The following FAM25A variants were observed in gnomAD, a reference collection of about 807,000 sequenced individuals.
FAM25A encodes the protein protein FAM25A.
A neutral mutation model predicts 6.6 loss-of-function variants in FAM25A; 5 were observed. The observed-to-expected ratio is 0.75, with a 90% CI of 0.39 to 1.59. The LOEUF is 1.59. Among genes scored for constraint, FAM25A ranks in the 40% most tolerant of loss-of-function variants. The pLI, the probability that FAM25A is intolerant of heterozygous loss-of-function variation, is 0.02. For synonymous variants in FAM25A, 36 were observed against 41.3 expected, an observed-to-expected ratio of 0.87 and a Z score of 0.49; for missense variants, 93 against 109.7, an observed-to-expected ratio of 0.85 and a Z score of 0.68.
intron 1 of FAM25A, among the ~76,000 whole-genome samples, chr10:87,022,009 G>C (rs2133756390): frequency 6.6e-6 from 1 of 152,348 alleles, no homozygotes; most frequent in East Asian, 1.9e-4. Context: ...AGGGGCTTCA[G>C]GGACCCATGC....
intron 1 of FAM25A, 25 bp from the exon 2 acceptor site, chr10:87,022,289 C>T (rs1435611300): frequency 6.5e-7 from 1 of 1,548,638 alleles, no homozygotes; most frequent in Non-Finnish European, 8.7e-7. Flanking sequence ...TGAGCCCTCA[C>T]CCTGGACTTG....
At chr10:87,022,959 T>A (rs1362457408) in intron 2 of FAM25A, among the ~76,000 whole-genome samples, 2 of 133,232 alleles carry the variant, frequency 1.5e-5, no homozygotes, top group Non-Finnish European at 3.2e-5. Context: ...AATTGCTGGG[T>A]GTGGTGGCTC....
chr10:87,022,299 G>GCACCC lies in FAM25A; in HGVS notation c.74-15_74-14insCACCC, dbSNP rs1301379792. 5.8e-6 allele frequency: 9 copies of GCACCC among 1,548,682 alleles called. No individual in the cohort carries two copies. The African/African-American group carries it at 1.2e-4, about 21-fold the overall frequency. ...TGCTCTGAGCCCTCACCCTGGACTT[G>GCACCC]TCTCCTCTGTTCAGTTCATGCCGTG... is the stretch of plus-strand genomic sequence containing the variant. On this transcript the variant is annotated splice_polypyrimidine_tract_variant and intron_variant, in intron 1 of 2. Transcript: ENST00000343959.
chr10:87,020,938 A>G (rs1845324714), intron 1 of FAM25A, among the ~76,000 whole-genome samples: 1 of 152,046 alleles, frequency 6.6e-6, no homozygotes, highest in African/African-American at 2.4e-5. Context: ...AGTGATTCTC[A>G]TGCCTTAGCC....
At chr10:87,023,220 CAA>C (rs1197032469) in intron 2 of FAM25A, among the ~76,000 whole-genome samples, 7 of 104,154 alleles carry the variant, frequency 6.7e-5, no homozygotes, top group Admixed American at 1.0e-4. Flanking sequence ...TACTCCGTCT[CAA>C]AAAAAAAAAA....
chr10:87,022,799 T>C (rs1364869001), intron 2 of FAM25A, among the ~76,000 whole-genome samples: 2 of 151,076 alleles, frequency 1.3e-5, no homozygotes, highest in African/African-American at 4.9e-5. Flanking sequence ...TGGTGGTGGG[T>C]GCCTATAGTC....
intron 2 of FAM25A, among the ~76,000 whole-genome samples, chr10:87,023,232 A>G (rs1361285314): frequency 6.6e-6 from 1 of 152,130 alleles, no homozygotes; most frequent in African/African-American, 2.4e-5. Context: ...AAAAAAAAAA[A>G]AAATTTAACA....
At chr10:87,022,196 C>A in intron 1 of FAM25A, 118 bp from the exon 2 acceptor site, 20 of 1,318,942 alleles carry the variant, frequency 1.5e-5, no homozygotes, top group Non-Finnish European at 1.9e-5. Context: ...GATAAGCCAG[C>A]ACTGAGCCCT....
Position 87,020,430 on chromosome 10 carries a change from G to A in FAM25A, c.73+33G>A, listed in dbSNP as rs10218973. 1,483 of 1,547,174 alleles carry A rather than the reference G, an allele frequency of 9.6e-4. 15 individuals are homozygous for A. In the African/African-American group the frequency reaches 0.018, roughly 19 times the overall value. ...CCTGGGGCTCCTTTCTACCTGGGCT[G>A]GGGGGATCTGGGGCAGACTGGGTCT... On this transcript the variant is annotated intron_variant, in intron 1 of 2. Transcript: ENST00000343959.
chr10:87,021,371 C>G (rs960467804), intron 1 of FAM25A, among the ~76,000 whole-genome samples: 2 of 152,194 alleles, frequency 1.3e-5, no homozygotes, highest in African/African-American at 4.8e-5. Context: ...GGGAGAGAAG[C>G]TGAGGCAGGG....
rs1220856615 is a variant in FAM25A, at chr10:87,024,540, G to A, written c.137-1G>A. The stretch of plus-strand genomic sequence containing the variant: ...ACATTCTTCCTCTTTCTTTCCAACA[G>A]CCATTGCTGAAGCCATAAAGAAAGC... On this transcript the variant is annotated splice_acceptor_variant, in intron 2 of 2. Coordinates refer to ENST00000343959, the MANE Select transcript of FAM25A (RefSeq NM_001146157.3). LOFTEE classifies it high-confidence loss of function. 2 of 1,535,792 alleles carry A rather than the reference G, an allele frequency of 1.3e-6. No homozygotes were observed. Among genetic ancestry groups the A allele is most frequent in the Non-Finnish European group, 8.7e-7 (1 of 1,146,904 alleles).
chr10:87,022,287 C>T, intron 1 of FAM25A, 27 bp from the exon 2 acceptor site: 2 of 1,548,600 alleles, frequency 1.3e-6, no homozygotes, highest in Admixed American at 3.9e-5. Flanking sequence ...TCTGAGCCCT[C>T]ACCCTGGACT....
At chr10:87,024,137 C>A (rs1845356303) in intron 2 of FAM25A, among the ~76,000 whole-genome samples, 4 of 144,196 alleles carry the variant, frequency 2.8e-5, no homozygotes, top group African/African-American at 2.6e-5. Flanking sequence ...TTTGACAATC[C>A]AAAACTGAAA....
At chr10:87,022,628 G>A (rs1424302629) in intron 2 of FAM25A, among the ~76,000 whole-genome samples, 1 of 152,214 alleles carries the variant, frequency 6.6e-6, no homozygotes, top group Non-Finnish European at 1.5e-5. Context: ...AGCACACTGG[G>A]ACAAAACATT....
intron 1 of FAM25A, 133 bp from the exon 2 acceptor site, chr10:87,022,181 G>C (rs1845333383): frequency 8.3e-7 from 1 of 1,202,450 alleles, no homozygotes; most frequent in Admixed American, 2.0e-5. Flanking sequence ...TAGGTCCATT[G>C]TGAGGATAAG....
intron 1 of FAM25A, among the ~76,000 whole-genome samples, chr10:87,020,951 C>CT (rs998127603): frequency 3.9e-5 from 6 of 152,166 alleles, no homozygotes; most frequent in Admixed American, 2.0e-4. Context: ...CCTTAGCCTC[C>CT]TGAGTGTCTG....
At chr10:87,023,105 T>C (rs112984732) in intron 2 of FAM25A, among the ~76,000 whole-genome samples, 22,720 of 140,740 alleles carry the variant, frequency 0.16, 2,139 homozygotes, top group African/African-American at 0.26. Context: ...CCTGTAGTCC[T>C]AGCTACTCGG....
intron 2 of FAM25A, among the ~76,000 whole-genome samples, chr10:87,023,242 A>G (rs1371297101): frequency 1.3e-5 from 2 of 152,116 alleles, no homozygotes; most frequent in South Asian, 2.1e-4. Context: ...AAAATTTAAC[A>G]TGTAAAATTC....
chr10:87,021,963 G>C (rs893429630), intron 1 of FAM25A, among the ~76,000 whole-genome samples: 1 of 152,230 alleles, frequency 6.6e-6, no homozygotes, highest in Non-Finnish European at 1.5e-5. Flanking sequence ...CTGGCAAGAT[G>C]GCCTGCTCAT....
Sources: gnomAD v4.1 joint callset for allele counts (sites outside exome capture counted in the v4.1 genomes callset) on GRCh38, gnomAD v4.1.1 for gene constraint, MANE v1.5 for transcripts, NCBI Gene and HGNC (gene_info 2026-07-23, HGNC 2026-07-21) for gene names.